Variants in SCFD1 observed in about 807,000 individuals in gnomAD.
SCFD1 encodes the protein sec1 family domain-containing protein 1.
A neutral mutation model predicts 103.2 loss-of-function variants in SCFD1; 37 were observed. The observed-to-expected ratio is 0.36, with a 90% CI of 0.28 to 0.47. The LOEUF is 0.47. Ranked by LOEUF, SCFD1 falls within the 20% of genes least tolerant of loss-of-function variation. SCFD1 has a pLI of 1.00. For missense variants in SCFD1, 639 were observed against 761.2 expected, an observed-to-expected ratio of 0.84 and a Z score of 1.89; for synonymous variants, 264 against 245.0, an observed-to-expected ratio of 1.08 and a Z score of -0.73.
In SCFD1 at chr14:30,704,181, GA is replaced by G. The variant is rs558598670; in HGVS notation, c.1491-1641del. Among the ~76,000 whole-genome samples, 3 of 151,700 alleles carry G rather than the reference GA, an allele frequency of 2.0e-5. No homozygotes were observed. In the South Asian group the frequency reaches 6.2e-4, roughly 31 times the overall value. ...TCTTTCATTGTTTATACATATGACAGATTTTTTTTCTAGAGACAAGGTCTTG... is the reference window on the plus strand; with the variant it reads ...TCTTTCATTGTTTATACATATGACAGTTTTTTTTCTAGAGACAAGGTCTTG... On this transcript the variant is annotated intron_variant, in intron 17 of 24. Coordinates refer to ENST00000458591, the MANE Select transcript of SCFD1 (RefSeq NM_016106.4).
intron 16 of SCFD1, among the ~76,000 whole-genome samples, 163 bp from the exon 17 acceptor site, chr14:30,702,133 G>A (rs1030755056): frequency 2.0e-5 from 3 of 152,058 alleles, no homozygotes; most frequent in Admixed American, 1.3e-4. Flanking sequence ...TCTTGTCTTG[G>A]GTGCTCACTT....
chr14:30,628,414 G>T (rs1057410226), intron 2 of SCFD1, 135 bp downstream of exon 2: 4 of 590,606 alleles, frequency 6.8e-6, no homozygotes, highest in Admixed American at 6.7e-5. Context: ...TATTTAACAT[G>T]ATCTCTTAAT....
chr14:30,714,108 G>T (rs1414132293), intron 19 of SCFD1, among the ~76,000 whole-genome samples: 1 of 151,854 alleles, frequency 6.6e-6, no homozygotes, highest in African/African-American at 2.4e-5. Flanking sequence ...AGCACTTTGG[G>T]AGGCCGAGGC....
chr14:30,706,105 C>A (rs1157648714), intron 18 of SCFD1, among the ~76,000 whole-genome samples: 6 of 151,790 alleles, frequency 4.0e-5, no homozygotes. Context: ...GTACAGTGTG[C>A]TAATACATAC....
At chr14:30,706,993 C>T (rs1239554309) in intron 18 of SCFD1, among the ~76,000 whole-genome samples, 1 of 152,184 alleles carries the variant, frequency 6.6e-6, no homozygotes, top group Non-Finnish European at 1.5e-5. Flanking sequence ...GGATTACTTT[C>T]TCTTGCTTCT....
intron 8 of SCFD1, among the ~76,000 whole-genome samples, chr14:30,650,304 G>A (rs1886280166): frequency 6.6e-6 from 1 of 152,110 alleles, no homozygotes; most frequent in Non-Finnish European, 1.5e-5. Context: ...GTTTCCCATA[G>A]CCAAAGTAAA....
chr14:30,635,561 T>C (rs1442610073), intron 4 of SCFD1, among the ~76,000 whole-genome samples: 5 of 152,170 alleles, frequency 3.3e-5, no homozygotes, highest in Non-Finnish European at 7.4e-5. Flanking sequence ...GTTTCCAAGG[T>C]TCATCCATAT....
At chr14:30,690,811 C>G (rs904754414) in intron 14 of SCFD1, among the ~76,000 whole-genome samples, 1 of 152,222 alleles carries the variant, frequency 6.6e-6, no homozygotes, top group Non-Finnish European at 1.5e-5. Flanking sequence ...GGAGCTGTTC[C>G]TATTCGGCCA....
intron 7 of SCFD1, among the ~76,000 whole-genome samples, chr14:30,646,460 T>C (rs1375321795): frequency 6.6e-6 from 1 of 152,202 alleles, no homozygotes; most frequent in Non-Finnish European, 1.5e-5. Context: ...GAATCAACCT[T>C]GCATCCTGGG....
intron 5 of SCFD1, among the ~76,000 whole-genome samples, chr14:30,638,957 A>T (rs1380670766): frequency 6.6e-6 from 1 of 152,210 alleles, no homozygotes; most frequent in Non-Finnish European, 1.5e-5. Flanking sequence ...TCATTGTTAG[A>T]GTTAAATAGA....
chr14:30,705,755 T>A (rs1027595242), intron 17 of SCFD1, 68 bp from the exon 18 acceptor site: 19 of 1,233,022 alleles, frequency 1.5e-5, no homozygotes, highest in Non-Finnish European at 2.3e-5. Flanking sequence ...CAGTAGATAT[T>A]TTAATACCGT....
intron 10 of SCFD1, among the ~76,000 whole-genome samples, chr14:30,668,992 G>A (rs1235925326): frequency 6.6e-6 from 1 of 152,156 alleles, no homozygotes; most frequent in Admixed American, 6.5e-5. Flanking sequence ...AGACAGTGTG[G>A]TGATTCCTTA....
At chr14:30,734,543 A>G (rs1893701742) in intron 23 of SCFD1, 1 of 414,366 alleles carries the variant, frequency 2.4e-6, no homozygotes, top group African/African-American at 2.0e-5. Flanking sequence ...TTTTAGTGTA[A>G]TAGGAAATGG....
chr14:30,676,766 T>A (rs1018775466), intron 14 of SCFD1: 3 of 152,184 alleles, frequency 2.0e-5, no homozygotes, highest in African/African-American at 7.2e-5. Context: ...ATGATCTGAT[T>A]TATGTTTTAA....
At chr14:30,713,264 C>T (rs1594751210) in intron 19 of SCFD1, among the ~76,000 whole-genome samples, 1 of 152,068 alleles carries the variant, frequency 6.6e-6, no homozygotes, top group East Asian at 1.9e-4. Context: ...ATTCTCTGTA[C>T]TTGAAGCTTC....
At chr14:30,684,728 C>CT (rs766941201) in intron 14 of SCFD1, among the ~76,000 whole-genome samples, 7,016 of 56,878 alleles carry the variant, frequency 0.12, 309 homozygotes, top group African/African-American at 0.15. Flanking sequence ...CTCACTTATT[C>CT]TTTTTTTTTT....
rs986748328 is a variant in SCFD1, at chr14:30,643,364, A to G, written c.572A>G (p.Asp191Gly). The G allele has an allele frequency of 3.1e-6, 5 of 1,613,702 alleles. No individual in the cohort carries two copies. Among genetic ancestry groups the G allele is most frequent in the Non-Finnish European group, 4.2e-6 (5 of 1,179,672 alleles). ...GACACGGAAATGGAAACTGTTATGG[A>G]CACTATAGTTGACAGCCTCTTCTGC... ...ITDTEMETVMDTIVDSLFCFF... is the reference protein window; with the variant it reads ...ITDTEMETVMGTIVDSLFCFF... The change falls in exon 7 of 25, where the codon GAC becomes GGC. Residue 191 changes from aspartate (D) to glycine (G), a missense_variant. Coordinates refer to ENST00000458591, the MANE Select transcript of SCFD1 (RefSeq NM_016106.4).
At chr14:30,679,706 ACT>A (rs1889322053) in intron 14 of SCFD1, among the ~76,000 whole-genome samples, 1 of 151,156 alleles carries the variant, frequency 6.6e-6, no homozygotes, top group Non-Finnish European at 1.5e-5. Context: ...TTTAACATTA[ACT>A]GACTTTGATT....
chr14:30,653,421 A>C, intron 9 of SCFD1, 68 bp from the exon 10 acceptor site: 2 of 931,246 alleles, frequency 2.1e-6, no homozygotes, highest in Non-Finnish European at 3.4e-6. Flanking sequence ...ACTGGAAAGT[A>C]GTAGAATATT....
Sources: allele counts gnomAD v4.1 joint callset (sites outside exome capture counted in the v4.1 genomes callset), GRCh38; gene constraint gnomAD v4.1.1; transcripts MANE v1.5; gene names NCBI Gene and HGNC (gene_info 2026-07-23, HGNC 2026-07-21).